The following GAS6 variants were observed in gnomAD, a reference collection of about 807,000 sequenced individuals.
GAS6 encodes growth arrest specific 6.
GAS6 carries 41 observed loss-of-function variants against 75.8 expected under a neutral mutation model. That is an observed-to-expected ratio of 0.54 (90% CI 0.42 to 0.70). The LOEUF (loss-of-function observed/expected upper bound fraction) is 0.70. Among genes scored for constraint, GAS6 ranks in the 30% least tolerant of loss-of-function variants. The pLI is 0.00. For synonymous variants in GAS6, 432 were observed against 412.6 expected, an observed-to-expected ratio of 1.05 and a Z score of -0.57; for missense variants, 854 against 940.2, an observed-to-expected ratio of 0.91 and a Z score of 1.20.
chr13:113,857,978 G>A (rs1401417587), intron 2 of GAS6, among the ~76,000 whole-genome samples: 2 of 152,246 alleles, frequency 1.3e-5, no homozygotes, highest in African/African-American at 4.8e-5. Context: ...AGGCCGGGCC[G>A]GGGTCCACCT....
At chr13:113,826,162 T>A (rs1336577953) in intron 12 of GAS6, among the ~76,000 whole-genome samples, 1 of 152,158 alleles carries the variant, frequency 6.6e-6, no homozygotes, top group Non-Finnish European at 1.5e-5. Flanking sequence ...GGCCAGCAGC[T>A]CACATCCACC....
intron 6 of GAS6, chr13:113,836,025 C>T: frequency 6.9e-6 from 7 of 1,018,612 alleles, no homozygotes; most frequent in Non-Finnish European, 8.2e-6. Flanking sequence ...CAAAGAGAAG[C>T]ATTTACTGGT....
intron 2 of GAS6, among the ~76,000 whole-genome samples, chr13:113,851,484 CATGA>C (rs141718875): frequency 0.086 from 12,462 of 144,450 alleles, 643 homozygotes; most frequent in East Asian, 0.17. Flanking sequence ...TAGATGAATA[CATGA>C]ATGAATGAAT....
At chr13:113,858,563 TTGTG>T (rs1053636021) in intron 2 of GAS6, among the ~76,000 whole-genome samples, 1 of 136,414 alleles carries the variant, frequency 7.3e-6, no homozygotes, top group African/African-American at 2.9e-5. Flanking sequence ...GTATGTGCCT[TTGTG>T]TGTGCATGTC....
chr13:113,838,469 C>T (rs2051740827), intron 5 of GAS6, among the ~76,000 whole-genome samples: 1 of 136,308 alleles, frequency 7.3e-6, no homozygotes, highest in Admixed American at 7.3e-5. Flanking sequence ...CAGGGGTGCA[C>T]AGCCCAGCCC....
At chr13:113,834,110 T>C (rs1210114758) in intron 8 of GAS6, among the ~76,000 whole-genome samples, 16 of 112,442 alleles carry the variant, frequency 1.4e-4, no homozygotes, top group East Asian at 2.9e-4. Context: ...CATGCTGTGA[T>C]AGGCCCCGGT....
intron 2 of GAS6, among the ~76,000 whole-genome samples, chr13:113,858,715 A>G (rs2051937903): frequency 6.6e-6 from 1 of 151,176 alleles, no homozygotes; most frequent in Non-Finnish European, 1.5e-5. Flanking sequence ...ATGTACATCT[A>G]TGTGAATGTG....
chr13:113,827,828 G>GTGTGC (rs1240182474), intron 11 of GAS6, among the ~76,000 whole-genome samples: 2 of 152,208 alleles, frequency 1.3e-5, no homozygotes, highest in Non-Finnish European at 2.9e-5. Context: ...GGGCACGGGC[G>GTGTGC]TGTGCTGTGC....
At chr13:113,840,882 C>T (rs549212091) in intron 4 of GAS6, 1 of 152,252 alleles carries the variant, frequency 6.6e-6, no homozygotes, top group Non-Finnish European at 1.5e-5. Flanking sequence ...AGAGAGGGCT[C>T]CGGTCCATTG....
At chr13:113,846,028 T>G (rs1479931056) in intron 4 of GAS6, among the ~76,000 whole-genome samples, 1 of 152,250 alleles carries the variant, frequency 6.6e-6, no homozygotes, top group East Asian at 1.9e-4. Context: ...GGAAATAACC[T>G]GGACATCAGC....
rs575116232 is a variant in GAS6 at position 113,848,202 on chromosome 13, C to G, written c.256-152G>C. 1 of 751,992 alleles carries G rather than the reference C, an allele frequency of 1.3e-6. No individual in the cohort carries two copies. Among genetic ancestry groups the G allele is most frequent in the African/African-American group, 1.8e-5 (1 of 56,686 alleles). 46.6% of individuals were successfully genotyped at this position (751,992 alleles called of 1,614,324 possible). ...GAACTGAGGGGAAGTGACCGGGGCA[C>G]GACTGCTGTGAGACCAACAAGCAAA... is the stretch of plus-strand genomic sequence containing the variant. On this transcript the variant is annotated intron_variant, in intron 2 of 14. Transcript: ENST00000327773. This position sits in a 1 kb window ranked among gnomAD's most constrained non-coding sequence, Gnocchi z 4.8.
chr13:113,835,890 C>G, intron 6 of GAS6: 6 of 1,274,530 alleles, frequency 4.7e-6, no homozygotes, highest in Non-Finnish European at 4.0e-6. Context: ...GGGAAGGGCC[C>G]TGCTTGGTGG....
Position 113,863,208 on chromosome 13 carries a change from G to A in GAS6, c.255+367C>T, listed in dbSNP as rs1333620375. Among the ~76,000 whole-genome samples, 2 of 152,208 alleles carry A rather than the reference G, an allele frequency of 1.3e-5. No individual in the cohort carries two copies. The highest frequency in any genetic ancestry group is 6.5e-5 in the Admixed American group (1 of 15,284). On this transcript the variant is annotated intron_variant, in intron 2 of 14. Transcript: ENST00000327773. This position sits in a 1 kb window ranked among gnomAD's most constrained non-coding sequence, Gnocchi z 9.4. ...GACTGCTCTCCACCCCTCTCAGGAG[G>A]ACGAGGCGCGGCCCGGGGGTTCCTC... is the stretch of plus-strand genomic sequence containing the variant.
In GAS6 at chr13:113,823,263, T is replaced by TG; in HGVS notation, c.1653+111dup. 5.8e-6 allele frequency: 7 copies of TG among 1,214,308 alleles called. No individual in the cohort carries two copies. In the South Asian group the frequency reaches 9.1e-5, roughly 16 times the overall value. 75.2% of individuals were successfully genotyped at this position (1,214,308 alleles called of 1,614,324 possible). The stretch of plus-strand genomic sequence containing the variant: ...TCATCAGACCTCTGGTCAGAGGCTT[T>TG]GGGGGTCCCTGGGGATCCCACCGCG... On this transcript the variant is annotated intron_variant, in intron 13 of 14. Transcript: ENST00000327773.
chr13:113,834,457 C>A (rs1341941102), intron 8 of GAS6, 94 bp downstream of exon 8: 5 of 1,297,272 alleles, frequency 3.9e-6, no homozygotes, highest in Non-Finnish European at 5.1e-6. Context: ...TTAGCAAAGG[C>A]CAGGTCTTCA....
intron 6 of GAS6, among the ~76,000 whole-genome samples, chr13:113,836,790 A>G (rs1364359629): frequency 2.0e-5 from 2 of 97,892 alleles, no homozygotes; most frequent in African/African-American, 8.1e-5. Flanking sequence ...GGAGGAGGAG[A>G]AGAAAGAGGA....
intron 2 of GAS6, among the ~76,000 whole-genome samples, chr13:113,859,908 C>T (rs1437131248): frequency 6.6e-6 from 1 of 152,184 alleles, no homozygotes; most frequent in Non-Finnish European, 1.5e-5. Context: ...AACATCTGGG[C>T]CTGTGTCCCA....
intron 3 of GAS6, chr13:113,847,698 G>A (rs2051844976): frequency 2.7e-6 from 1 of 368,824 alleles, no homozygotes; most frequent in Non-Finnish European, 4.9e-6. Flanking sequence ...AATGACTTCA[G>A]AAGTGATTAG....
At chr13:113,827,333 C>T (rs557178813) in intron 11 of GAS6, among the ~76,000 whole-genome samples, 169 bp from the exon 12 acceptor site, 4 of 152,364 alleles carry the variant, frequency 2.6e-5, no homozygotes, top group East Asian at 1.9e-4. Flanking sequence ...TCACTTTACA[C>T]AACGCCTCAC....
Sources: gnomAD v4.1 joint callset for allele counts (sites outside exome capture counted in the v4.1 genomes callset) on GRCh38, gnomAD v4.1.1 for gene constraint, Gnocchi (gnomAD v3.1) non-coding constraint, MANE v1.5 for transcripts, NCBI Gene and HGNC (gene_info 2026-07-23, HGNC 2026-07-21) for gene names.